The following HERC6 variants were observed in gnomAD, a reference collection of about 807,000 sequenced individuals.
HERC6 encodes HECT and RLD domain containing E3 ubiquitin protein ligase family member 6, also known as probable E3 ubiquitin-protein ligase HERC6.
HERC6 carries 101 observed loss-of-function variants against 114.5 expected under a neutral mutation model. The ratio of observed to expected loss-of-function variants is 0.88; its 90% confidence interval spans 0.75 to 1.04. HERC6 has a LOEUF of 1.04. Among genes scored for constraint, HERC6 ranks in the 50% least tolerant of loss-of-function variants. HERC6 has a pLI of 0.00. For missense variants in HERC6, 1,133 were observed against 1,230.9 expected, an observed-to-expected ratio of 0.92 and a Z score of 1.19; for synonymous variants, 408 against 436.2, an observed-to-expected ratio of 0.94 and a Z score of 0.81.
At position 88,390,712 on chromosome 4, in the gene HERC6, T is replaced by C; in HGVS notation, c.497T>C (p.Phe166Ser). The C allele has an allele frequency of 5.6e-6, 9 of 1,613,738 alleles. No homozygotes were observed. Among genetic ancestry groups the C allele is most frequent in the Non-Finnish European group, 7.6e-6 (9 of 1,179,832 alleles). Residue 166 changes from phenylalanine to serine, a missense_variant, in exon 4 of 23, where the codon TTC (phenylalanine) becomes TCC (serine). Phe to Ser is a radical substitution (Grantham distance 155). This residue lies in a region of HERC6 where 735 missense variants were observed against 754.0 expected (regional missense o/e 0.97). Coordinates refer to ENST00000264346, the MANE Select transcript of HERC6 (RefSeq NM_017912.4). ...GGGCAGCTGGGCTTGGGGAAGGAGT[T>C]CCCCTCCCAAGCCAGCCCGCAGAGG... The part of the protein sequence containing the change: ...SHGQLGLGKE[F>S]PSQASPQRVR...
intron 18 of HERC6, 86 bp from the exon 19 acceptor site, chr4:88,436,819 T>C (rs987575869): frequency 5.7e-6 from 5 of 872,764 alleles, no homozygotes; most frequent in Non-Finnish European, 8.9e-6. Context: ...CATTTCTATA[T>C]TGTTCACAAC....
At chr4:88,437,056 A>C in intron 19 of HERC6, 85 bp downstream of exon 19, 2 of 992,910 alleles carry the variant, frequency 2.0e-6, no homozygotes, top group Non-Finnish European at 1.5e-6. Flanking sequence ...TAAATTTGGG[A>C]TCCCTTTTTT....
At chr4:88,425,679 T>C (rs1053981298) in intron 15 of HERC6, among the ~76,000 whole-genome samples, 5 of 152,232 alleles carry the variant, frequency 3.3e-5, no homozygotes, top group African/African-American at 1.2e-4. Flanking sequence ...GGTAGTTGTA[T>C]TAGTCCCACA....
At chr4:88,423,786 A>C in intron 13 of HERC6, 74 bp from the exon 14 acceptor site, 1 of 602,192 alleles carries the variant, frequency 1.7e-6, no homozygotes, top group Non-Finnish European at 2.8e-6. Flanking sequence ...ACAGCCATAC[A>C]TATATATCTA....
Position 88,442,541 on chromosome 4 carries a change from T to A in HERC6, c.*81T>A. 9.8e-7 allele frequency: 1 copy of A among 1,020,274 alleles called. No homozygotes were observed. Among genetic ancestry groups the A allele is most frequent in the Non-Finnish European group, 1.5e-6 (1 of 671,022 alleles). 63.2% of individuals were successfully genotyped at this position (1,020,274 alleles called of 1,614,324 possible). Reference sequence around the variant, plus strand: ...CTTACACCTAAATAATACAAGAGATTAATGAATAGTGGTTAGAAGTAGTTG... The same window carrying A: ...CTTACACCTAAATAATACAAGAGATAAATGAATAGTGGTTAGAAGTAGTTG... On this transcript the variant is annotated 3_prime_UTR_variant, in exon 23 of 23. Transcript: ENST00000264346.
intron 1 of HERC6, among the ~76,000 whole-genome samples, chr4:88,382,928 G>A (rs1172874006): frequency 1.3e-5 from 2 of 152,184 alleles, no homozygotes; most frequent in Non-Finnish European, 2.9e-5. Context: ...ATCACTCTGA[G>A]TTGGGTTTTG....
At chr4:88,417,849 G>A (rs1736641470) in intron 13 of HERC6, among the ~76,000 whole-genome samples, 1 of 152,048 alleles carries the variant, frequency 6.6e-6, no homozygotes, top group African/African-American at 2.4e-5. Flanking sequence ...TGGAAGCTGA[G>A]GTGGGAGGAT....
intron 17 of HERC6, among the ~76,000 whole-genome samples, chr4:88,432,708 G>A (rs1253504545): frequency 2.6e-5 from 4 of 151,674 alleles, no homozygotes; most frequent in South Asian, 2.1e-4. Context: ...CAGCCTGGGC[G>A]ACAGAGTGAT....
chr4:88,417,644 C>CCAACA, intron 13 of HERC6, 65 bp downstream of exon 13: 1 of 1,350,810 alleles, frequency 7.4e-7, no homozygotes, highest in Non-Finnish European at 1.0e-6. Flanking sequence ...AAGTCTCAAC[C>CCAACA]AGTTGGACTT....
In HERC6 at chr4:88,442,264, C is replaced by A; in HGVS notation, c.2873C>A (p.Ala958Glu). The change falls in exon 23 of 23, where the codon GCA becomes GAA. Residue 958 changes from alanine (A) to glutamate (E), a missense_variant. Physicochemically the swap from Ala to Glu is moderately radical, Grantham distance 107 (BLOSUM62 -1). This residue lies in a region of HERC6 where 388 missense variants were observed against 445.9 expected (regional missense o/e 0.87). Coordinates refer to ENST00000264346, the MANE Select transcript of HERC6 (RefSeq NM_017912.4). ...FFLTGRDRLHARGIQKMEIVF... is the reference protein window; with the variant it reads ...FFLTGRDRLHERGIQKMEIVF... ...CTTACAGGACGTGATAGGCTGCATG[C>A]AAGAGGCATACAGAAAATGGAAATA... 6.2e-7 allele frequency: 1 copy of A among 1,612,726 alleles called. No homozygotes were observed. The highest frequency in any genetic ancestry group is 8.5e-7 in the Non-Finnish European group (1 of 1,179,320).
In HERC6 at chr4:88,428,589, A is replaced by G. The variant is rs1356958610; in HGVS notation, c.1945A>G (p.Lys649Glu). The change falls in exon 16 of 23, where the codon AAG becomes GAG. Residue 649 changes from lysine (K) to glutamate (E), a missense_variant. Physicochemically the swap from Lys to Glu is moderately conservative, Grantham distance 56. This residue lies in a region of HERC6 where 388 missense variants were observed against 445.9 expected (regional missense o/e 0.87). Coordinates refer to ENST00000264346, the MANE Select transcript of HERC6 (RefSeq NM_017912.4). ...AAATTTATTTTTCCAGATGTCAGAA[A>G]AGAAAGCATACATGCTTATGCATGA... is the stretch of plus-strand genomic sequence containing the variant. ...DSHIKMQMSEKKAYMLMHETI... is the reference protein window; with the variant it reads ...DSHIKMQMSEEKAYMLMHETI... The G allele has an allele frequency of 6.3e-7, 1 of 1,582,310 alleles. No homozygotes were observed. The highest frequency in any genetic ancestry group is 8.6e-7 in the Non-Finnish European group (1 of 1,169,336).
At chr4:88,407,234 T>C (rs1421280679) in intron 10 of HERC6, among the ~76,000 whole-genome samples, 8 of 151,924 alleles carry the variant, frequency 5.3e-5, no homozygotes, top group African/African-American at 1.4e-4. Flanking sequence ...TGCGCCACCA[T>C]GCCCAGCTAA....
chr4:88,394,137 A>G (rs1735073562), intron 5 of HERC6, among the ~76,000 whole-genome samples: 1 of 152,194 alleles, frequency 6.6e-6, no homozygotes, highest in South Asian at 2.1e-4. Flanking sequence ...GATACATAAC[A>G]AAAGCTAATT....
chr4:88,388,395 A>G (rs980642736), intron 3 of HERC6, among the ~76,000 whole-genome samples: 4 of 152,110 alleles, frequency 2.6e-5, no homozygotes, highest in Non-Finnish European at 5.9e-5. Flanking sequence ...TACTAAAAAT[A>G]CAAAAATTAA....
At chr4:88,381,731 T>C (rs1734335208) in intron 1 of HERC6, among the ~76,000 whole-genome samples, 1 of 151,982 alleles carries the variant, frequency 6.6e-6, no homozygotes, top group Non-Finnish European at 1.5e-5. Context: ...CTAATTTTTA[T>C]ATTTTTAGTA....
intron 9 of HERC6, 55 bp downstream of exon 9, chr4:88,405,052 C>T: frequency 6.3e-7 from 1 of 1,579,112 alleles, no homozygotes; most frequent in African/African-American, 1.4e-5. Flanking sequence ...GGGCTTTGGT[C>T]ATTTTATCCT....
chr4:88,391,644 C>G (rs1734924389), intron 4 of HERC6, among the ~76,000 whole-genome samples: 1 of 152,194 alleles, frequency 6.6e-6, no homozygotes, highest in Non-Finnish European at 1.5e-5. Context: ...ACAGTTGATG[C>G]CAATTTGCAG....
At chr4:88,387,376 G>A (rs542725385) in intron 3 of HERC6, among the ~76,000 whole-genome samples, 10 of 152,284 alleles carry the variant, frequency 6.6e-5, no homozygotes, top group African/African-American at 2.2e-4. Flanking sequence ...CAGGCTGGGC[G>A]ACAGAGTAAG....
intron 12 of HERC6, among the ~76,000 whole-genome samples, 164 bp downstream of exon 12, chr4:88,413,430 G>T (rs1736246021): frequency 6.6e-6 from 1 of 152,146 alleles, no homozygotes; most frequent in Non-Finnish European, 1.5e-5. Flanking sequence ...ATAATTATTA[G>T]TTCTATCATA....
Sources: allele counts gnomAD v4.1 joint callset (sites outside exome capture counted in the v4.1 genomes callset), GRCh38; gene constraint gnomAD v4.1.1; regional missense constraint gnomAD v4.1.1; transcripts MANE v1.5; gene names NCBI Gene and HGNC (gene_info 2026-07-23, HGNC 2026-07-21).